The following EXOC4 variants were observed in gnomAD, a reference collection of about 807,000 sequenced individuals.
The protein encoded by EXOC4 is exocyst complex component 4.
Under a neutral mutation model 107.2 loss-of-function variants are expected in EXOC4, and 71 were observed. The ratio of observed to expected loss-of-function variants is 0.66; its 90% CI spans 0.55 to 0.81. The LOEUF is 0.81. Among genes scored for constraint, EXOC4 ranks in the 30% least tolerant of loss-of-function variants. The pLI, the probability that EXOC4 is intolerant of heterozygous loss-of-function variation, is 0.00. For synonymous variants in EXOC4, 456 were observed against 441.2 expected (o/e 1.03, Z -0.42); for missense variants, 1,108 against 1,189.6 (o/e 0.93, Z 1.01).
At chr7:133,816,595 A>T (rs1797374520) in intron 10 of EXOC4, among the ~76,000 whole-genome samples, 1 of 152,136 alleles carries the variant, frequency 6.6e-6, no homozygotes, top group African/African-American at 2.4e-5. Flanking sequence ...ATTTATATAT[A>T]TACATGTAAA....
At chr7:133,305,816 T>G in intron 3 of EXOC4, 61 bp from the exon 4 acceptor site, 4 of 1,386,010 alleles carry the variant, frequency 2.9e-6, no homozygotes, top group Non-Finnish European at 3.9e-6. Context: ...TCTTTCTTAT[T>G]TATAATATTG....
chr7:133,701,746 G>A (rs1165762945), intron 10 of EXOC4, among the ~76,000 whole-genome samples: 1 of 151,908 alleles, frequency 6.6e-6, no homozygotes, highest in Non-Finnish European at 1.5e-5. Context: ...TATAAAATGA[G>A]ATATCTTAAG....
At chr7:133,821,981 A>G (rs554970974) in intron 11 of EXOC4, among the ~76,000 whole-genome samples, 4 of 152,332 alleles carry the variant, frequency 2.6e-5, no homozygotes, top group African/African-American at 9.6e-5. Flanking sequence ...AAGATAGTTA[A>G]TGGTGCTAAA....
chr7:133,825,903 G>A (rs1395410979), intron 11 of EXOC4, among the ~76,000 whole-genome samples: 1 of 152,130 alleles, frequency 6.6e-6, no homozygotes, highest in African/African-American at 2.4e-5. Flanking sequence ...GCTAAAATAA[G>A]TCTTAGAACC....
At chr7:133,791,734 A>G (rs927597730) in intron 10 of EXOC4, among the ~76,000 whole-genome samples, 2 of 152,214 alleles carry the variant, frequency 1.3e-5, no homozygotes, top group East Asian at 3.9e-4. Context: ...CGGTGATGGC[A>G]AAACCAGGAT....
intron 7 of EXOC4, among the ~76,000 whole-genome samples, chr7:133,446,589 T>C (rs1798225654): frequency 6.6e-6 from 1 of 152,160 alleles, no homozygotes; most frequent in Admixed American, 6.5e-5. Context: ...ATGAAATAAG[T>C]ACAGAAATCG....
chr7:133,327,845 G>A (rs964296573), intron 5 of EXOC4, among the ~76,000 whole-genome samples: 3 of 152,070 alleles, frequency 2.0e-5, no homozygotes, highest in African/African-American at 4.8e-5. Flanking sequence ...GCTGAGGAGT[G>A]TTTACTTCCA....
chr7:133,837,209 G>A lies in EXOC4; in HGVS notation c.1734+19665G>A, dbSNP rs116113445. ...GACAGTACTAAAAATTAGGAAGTGC[G>A]AAAATTTAAAGAAAAGGACTGTCCT... On this transcript the variant is annotated intron_variant, in intron 11 of 17. Coordinates refer to ENST00000253861, the MANE Select transcript of EXOC4 (RefSeq NM_021807.4). Among the ~76,000 whole-genome samples the A allele has an allele frequency of 2.4e-3, 368 of 152,256 alleles. 5 individuals carry two copies. Among genetic ancestry groups the A allele is most frequent in the African/African-American group, 8.3e-3 (343 of 41,544 alleles).
chr7:133,606,948 T>C (rs1014110152), intron 9 of EXOC4, among the ~76,000 whole-genome samples: 4 of 152,214 alleles, frequency 2.6e-5, no homozygotes, highest in Non-Finnish European at 5.9e-5. Context: ...CCATCTGTTA[T>C]TATTTCTTGT....
chr7:133,654,157 A>G (rs1297995290), intron 10 of EXOC4, among the ~76,000 whole-genome samples: 3 of 152,190 alleles, frequency 2.0e-5, no homozygotes, highest in Non-Finnish European at 4.4e-5. Context: ...GGGCTTATCC[A>G]AATCAATCCT....
At chr7:133,839,131 G>A (rs1585188791) in intron 11 of EXOC4, among the ~76,000 whole-genome samples, 2 of 152,270 alleles carry the variant, frequency 1.3e-5, no homozygotes, top group East Asian at 3.9e-4. Flanking sequence ...TTAGAATAAG[G>A]TGAGAGGCAT....
rs3046149 is a variant in EXOC4 at position 133,464,811 on chromosome 7, G to GTTTTTTTTTTTTTTTT, written c.1183-10507_1183-10492dup. Among the ~76,000 whole-genome samples the GTTTTTTTTTTTTTTTT allele has an allele frequency of 1.2e-4, 6 of 51,298 alleles. 2 individuals carry two copies. Among genetic ancestry groups the GTTTTTTTTTTTTTTTT allele is most frequent in the Non-Finnish European group, 1.7e-4 (5 of 30,256 alleles). 33.7% of individuals were successfully genotyped at this position (51,298 alleles called of 152,430 possible). On this transcript the variant is annotated intron_variant, in intron 7 of 17. Coordinates refer to ENST00000253861, the MANE Select transcript of EXOC4 (RefSeq NM_021807.4). Reference sequence around the variant, plus strand: ...TTTTTTTTTTTTGTTGGTTGGGTTGGTTTTTTTTTTTTTTTTTTTTTTTTT... The same window carrying GTTTTTTTTTTTTTTTT: ...TTTTTTTTTTTTGTTGGTTGGGTTGGTTTTTTTTTTTTTTTTTTTTTTTTTTTTTTTTTTTTTTTTT...
At chr7:133,401,223 G>A (rs1209097820) in intron 7 of EXOC4, among the ~76,000 whole-genome samples, 2 of 148,552 alleles carry the variant, frequency 1.3e-5, no homozygotes, top group Non-Finnish European at 3.0e-5. Flanking sequence ...TGGCCTCTTT[G>A]TAGTGGTTTT....
At chr7:133,918,017 C>CT (rs1799849866) in intron 13 of EXOC4, among the ~76,000 whole-genome samples, 1 of 149,948 alleles carries the variant, frequency 6.7e-6, no homozygotes, top group Non-Finnish European at 1.5e-5. Context: ...GAGTCTCACT[C>CT]TGTCTCCCAG....
intron 13 of EXOC4, among the ~76,000 whole-genome samples, chr7:133,921,402 T>C (rs1220066162): frequency 6.6e-6 from 1 of 152,222 alleles, no homozygotes; most frequent in Non-Finnish European, 1.5e-5. Flanking sequence ...ACCAGAAATG[T>C]TAAACCAGTT....
At chr7:133,793,817 C>A (rs1796755061) in intron 10 of EXOC4, among the ~76,000 whole-genome samples, 1 of 151,314 alleles carries the variant, frequency 6.6e-6, no homozygotes, top group African/African-American at 2.4e-5. Flanking sequence ...GCACTACAAC[C>A]TGGGGACAGA....
chr7:133,299,900 AGCACT>A (rs1401657141), intron 3 of EXOC4, among the ~76,000 whole-genome samples: 2 of 152,190 alleles, frequency 1.3e-5, no homozygotes, highest in Admixed American at 6.5e-5. Context: ...TGCACCAACA[AGCACT>A]GATATCTCTC....
intron 14 of EXOC4, among the ~76,000 whole-genome samples, chr7:133,984,073 A>G (rs1263493007): frequency 3.3e-5 from 5 of 152,224 alleles, no homozygotes; most frequent in African/African-American, 7.2e-5. Context: ...CACAAGGTAT[A>G]AAAAACATGT....
chr7:133,796,141 T>C (rs1005917490), intron 10 of EXOC4, among the ~76,000 whole-genome samples: 1 of 152,256 alleles, frequency 6.6e-6, no homozygotes, highest in African/African-American at 2.4e-5. Context: ...AAGTTTTCAG[T>C]TAAATTCTAC....
Sources: allele counts gnomAD v4.1 joint callset (sites outside exome capture counted in the v4.1 genomes callset), GRCh38; gene constraint gnomAD v4.1.1; transcripts MANE v1.5; gene names NCBI Gene and HGNC (gene_info 2026-07-23, HGNC 2026-07-21).